Variants in SNN observed in about 807,000 individuals in gnomAD.
The protein encoded by SNN is AG8_1.
A neutral mutation model predicts 5.3 loss-of-function variants in SNN; 5 were observed. The ratio of observed to expected loss-of-function variants is 0.94; its 90% CI spans 0.49 to 1.97. SNN has a LOEUF of 1.97. Among genes scored for constraint, SNN ranks in the 30% most tolerant of loss-of-function variants. The pLI is 0.01. For synonymous variants in SNN, 67 were observed against 52.1 expected, an observed-to-expected ratio of 1.29 and a Z score of -1.24; for missense variants, 127 against 121.6, an observed-to-expected ratio of 1.04 and a Z score of -0.21.
In SNN at chr16:11,668,645, G is replaced by A. The variant is rs2050244458; in HGVS notation, c.-86+105G>A. On this transcript the variant is annotated intron_variant, in intron 1 of 1. Transcript: ENST00000329565. This position sits in a 1 kb window ranked among gnomAD's most constrained non-coding sequence, Gnocchi z 6.8. ...CGAGGAGGGGCGCGCGCGGCGGCGG[G>A]GCCGGGCCGGGGTCTGCGGGCGGGG... 1 of 146,050 alleles carries A rather than the reference G, an allele frequency of 6.8e-6. No homozygotes were observed. The highest frequency in any genetic ancestry group is 1.8e-4 in the South Asian group (1 of 5,502). The allele number at this position is 146,050 out of a possible 1,614,324, so 9.0% of individuals were successfully genotyped here. A position where few individuals can be genotyped will look rare whatever the true frequency, so the allele number is the denominator to read the frequency against.
At chr16:11,669,895 G>T (rs2050256585) in intron 1 of SNN, among the ~76,000 whole-genome samples, 1 of 152,134 alleles carries the variant, frequency 6.6e-6, no homozygotes, top group African/African-American at 2.4e-5. Flanking sequence ...GAGGATGGGG[G>T]TGTCATGGGT....
rs111596197 is a variant in SNN at position 11,677,156 on chromosome 16, C to T, written c.*830C>T. On this transcript the variant is annotated 3_prime_UTR_variant, in exon 2 of 2. Coordinates refer to ENST00000329565, the MANE Select transcript of SNN (RefSeq NM_003498.6). The surrounding 1 kb of genome is among the most constrained non-coding windows in gnomAD (Gnocchi z 4.2). ...TTCAGCACGCCAAGCCCCCCACCAA[C>T]CCTCCACCCCGAGTGAAGGCTTCGC... 9.4e-3 allele frequency: 1,575 copies of T among 167,280 alleles called. 20 individuals carry two copies. Among genetic ancestry groups the T allele is most frequent in the Non-Finnish European group, 0.017 (1,181 of 68,162 alleles). The allele number at this position is 167,280 out of a possible 1,614,324, so 10.4% of individuals were successfully genotyped here.
At chr16:11,674,342 A>C (rs2050285006) in intron 1 of SNN, among the ~76,000 whole-genome samples, 1 of 152,174 alleles carries the variant, frequency 6.6e-6, no homozygotes, top group African/African-American at 2.4e-5. Context: ...AGAGGGAAGA[A>C]AGTGCAGGGT....
In SNN at chr16:11,678,647, G is replaced by A. The variant is rs536392117; in HGVS notation, c.*2321G>A. ...CCCATTTGAGCGTGGCAGCCGTGTTGGGTGAAGGTCCGGGGCTCGGTGAGG... is the reference window on the plus strand; with the variant it reads ...CCCATTTGAGCGTGGCAGCCGTGTTAGGTGAAGGTCCGGGGCTCGGTGAGG... On this transcript the variant is annotated 3_prime_UTR_variant, in exon 2 of 2. Transcript: ENST00000329565. The A allele has an allele frequency of 5.8e-4, 97 of 167,942 alleles. No individual in the cohort carries two copies. The highest frequency in any genetic ancestry group is 1.1e-3 in the Non-Finnish European group (77 of 68,772). The allele number at this position is 167,942 out of a possible 1,614,324, so 10.4% of individuals were successfully genotyped here. A position where few individuals can be genotyped will look rare whatever the true frequency, so the allele number is the denominator to read the frequency against.
intron 1 of SNN, among the ~76,000 whole-genome samples, chr16:11,669,255 C>T (rs888189063): frequency 7.2e-5 from 11 of 152,198 alleles, no homozygotes; most frequent in African/African-American, 2.4e-4. Context: ...GCGCCTGCCA[C>T]GCCGCCCGCG....
intron 1 of SNN, among the ~76,000 whole-genome samples, chr16:11,669,247 G>T (rs1256888515): frequency 6.6e-6 from 1 of 152,154 alleles, no homozygotes; most frequent in Non-Finnish European, 1.5e-5. Context: ...CTGGCACCGC[G>T]CCTGCCACGC....
intron 1 of SNN, among the ~76,000 whole-genome samples, chr16:11,673,900 T>G (rs1021883003): frequency 2.6e-5 from 4 of 152,188 alleles, no homozygotes; most frequent in African/African-American, 9.7e-5. Flanking sequence ...GCAGCCTGTC[T>G]CCTGGAGTCA....
chr16:11,669,978 C>T (rs528962148), intron 1 of SNN, among the ~76,000 whole-genome samples: 2 of 152,340 alleles, frequency 1.3e-5, no homozygotes, highest in Admixed American at 1.3e-4. Flanking sequence ...CACTGGCATC[C>T]GGCCGTTCTT....
At chr16:11,674,959 C>T (rs1400376053) in intron 1 of SNN, among the ~76,000 whole-genome samples, 1 of 152,184 alleles carries the variant, frequency 6.6e-6, no homozygotes, top group African/African-American at 2.4e-5. Flanking sequence ...CTGTCTCACC[C>T]TCCCTGCCTC....
chr16:11,676,124 T>C lies in SNN; in HGVS notation c.65T>C (p.Ile22Thr). Residue 22 changes from isoleucine to threonine, a missense_variant, in exon 2 of 2, where the codon ATC becomes ACC. Ile to Thr is a moderately conservative substitution (Grantham distance 89). Transcript: ENST00000329565. Reference sequence around the variant, plus strand: ...ACAGTCATCGTCATCCTCATTGCCATCGCGGCCCTGGGGGCCTTGATCCTG... The same window carrying C: ...ACAGTCATCGTCATCCTCATTGCCACCGCGGCCCTGGGGGCCTTGATCCTG... ...VVTVIVILIAIAALGALILGC... is the reference protein window; with the variant it reads ...VVTVIVILIATAALGALILGC... The C allele has an allele frequency of 6.2e-7, 1 of 1,614,140 alleles. No individual in the cohort carries two copies. Among genetic ancestry groups the C allele is most frequent in the Non-Finnish European group, 8.5e-7 (1 of 1,179,996 alleles).
chr16:11,670,301 C>A (rs564410302), intron 1 of SNN, among the ~76,000 whole-genome samples: 1 of 152,244 alleles, frequency 6.6e-6, no homozygotes, highest in African/African-American at 2.4e-5. Flanking sequence ...TGTCAAGGAG[C>A]CTCAGGAGGT....
chr16:11,669,160 C>G (rs1267469130), intron 1 of SNN, among the ~76,000 whole-genome samples: 1 of 152,206 alleles, frequency 6.6e-6, no homozygotes, highest in African/African-American at 2.4e-5. Flanking sequence ...CCTGGAGCCT[C>G]GCTTTGCTCC....
At chr16:11,670,921 G>A (rs1228327383) in intron 1 of SNN, among the ~76,000 whole-genome samples, 1 of 152,156 alleles carries the variant, frequency 6.6e-6, no homozygotes, top group Non-Finnish European at 1.5e-5. Flanking sequence ...GACGGGGTGG[G>A]GTTCACCCCC....
chr16:11,670,504 T>G (rs1260925183), intron 1 of SNN, among the ~76,000 whole-genome samples: 1 of 152,198 alleles, frequency 6.6e-6, no homozygotes, highest in Non-Finnish European at 1.5e-5. Context: ...TCTCCCTTTG[T>G]CCCTGCTGTA....
chr16:11,676,447 C>G lies in SNN; in HGVS notation c.*121C>G. ...CTGACACTTGCTGGCATGGCCTCTG[C>G]GGGCTTCGTCATCGCATGCACTGAT... On this transcript the variant is annotated 3_prime_UTR_variant, in exon 2 of 2. Coordinates refer to ENST00000329565, the MANE Select transcript of SNN (RefSeq NM_003498.6). 1 of 1,254,194 alleles carries G rather than the reference C, an allele frequency of 8.0e-7. No individual in the cohort carries two copies. Among genetic ancestry groups the G allele is most frequent in the South Asian group, 1.5e-5 (1 of 67,616 alleles). The allele number at this position is 1,254,194 out of a possible 1,614,324, so 77.7% of individuals were successfully genotyped here.
chr16:11,676,292 T>C lies in SNN; in HGVS notation c.233T>C (p.Leu78Pro). ...KGPCVERKAK[L>P]MTPNGPEVHG Reference sequence around the variant, plus strand: ...CCGTGCGTGGAGAGAAAGGCCAAGCTGATGACTCCCAACGGCCCGGAAGTC... The same window carrying C: ...CCGTGCGTGGAGAGAAAGGCCAAGCCGATGACTCCCAACGGCCCGGAAGTC... The change falls in exon 2 of 2, where the codon CTG becomes CCG. Residue 78 changes from leucine to proline, a missense_variant. Transcript: ENST00000329565. 6.2e-7 allele frequency: 1 copy of C among 1,614,048 alleles called. No homozygotes were observed. The highest frequency in any genetic ancestry group is 2.2e-5 in the East Asian group (1 of 44,882).
chr16:11,676,542 C>A lies in SNN; in HGVS notation c.*216C>A. 3.4e-6 allele frequency: 2 copies of A among 593,090 alleles called. No individual in the cohort carries two copies. Among genetic ancestry groups the A allele is most frequent in the East Asian group, 5.6e-5 (2 of 35,538 alleles). 36.7% of individuals were successfully genotyped at this position (593,090 alleles called of 1,614,324 possible). ...GAGGCTGCCCATTGCAGGCACTGGGCAGGCCTGACCTTGCTGGGGCTCATG... is the reference window on the plus strand; with the variant it reads ...GAGGCTGCCCATTGCAGGCACTGGGAAGGCCTGACCTTGCTGGGGCTCATG... On this transcript the variant is annotated 3_prime_UTR_variant, in exon 2 of 2. Coordinates refer to ENST00000329565, the MANE Select transcript of SNN (RefSeq NM_003498.6).
rs201575210 is a variant in SNN, at chr16:11,676,093, G to A, written c.34G>A (p.Val12Met). ...TATGGACCACAGCCCCACCACGGGC[G>A]TGGTCACAGTCATCGTCATCCTCAT... ...SIMDHSPTTG[V>M]VTVIVILIAI... Residue 12 changes from valine (V) to methionine (M), a missense_variant, in exon 2 of 2, where the codon GTG becomes ATG. Transcript: ENST00000329565. The A allele has an allele frequency of 8.7e-6, 14 of 1,612,408 alleles. No individual in the cohort carries two copies. The highest frequency in any genetic ancestry group is 3.3e-5 in the Admixed American group (2 of 59,980).
chr16:11,673,869 G>A (rs1009469271), intron 1 of SNN, among the ~76,000 whole-genome samples: 1 of 152,230 alleles, frequency 6.6e-6, no homozygotes, highest in African/African-American at 2.4e-5. Context: ...AGGGTGGGCA[G>A]GGAGATCCTT....
Sources: gnomAD v4.1 joint callset for allele counts (sites outside exome capture counted in the v4.1 genomes callset) on GRCh38, gnomAD v4.1.1 for gene constraint, Gnocchi (gnomAD v3.1) non-coding constraint, MANE v1.5 for transcripts, NCBI Gene and HGNC (gene_info 2026-07-23, HGNC 2026-07-21) for gene names.